The following SOX5 variants were observed in gnomAD, a reference collection of about 807,000 sequenced individuals.
The protein encoded by SOX5 is SRY-box transcription factor 5, also known as transcription factor SOX-5.
Under a neutral mutation model 92.0 loss-of-function variants are expected in SOX5, and 9 were observed. The observed-to-expected ratio is 0.10, with a 90% CI of 0.06 to 0.17. The LOEUF is 0.17. SOX5 is among the 10% of genes least tolerant of loss of function. The pLI, the probability that SOX5 is intolerant of heterozygous loss-of-function variation, is 1.00. For missense variants in SOX5, 642 were observed against 944.5 expected, an observed-to-expected ratio of 0.68 and a Z score of 4.20; for synonymous variants, 344 against 336.3, an observed-to-expected ratio of 1.02 and a Z score of -0.25.
intron 4 of SOX5, among the ~76,000 whole-genome samples, chr12:24,000,812 C>A (rs568680192): frequency 6.6e-6 from 1 of 151,910 alleles, no homozygotes; most frequent in East Asian, 1.9e-4. Flanking sequence ...GTAAGAAATA[C>A]GCTTTGAAGA....
intron 2 of SOX5, among the ~76,000 whole-genome samples, chr12:23,859,706 AG>A (rs2096733150): frequency 6.6e-6 from 1 of 152,170 alleles, no homozygotes; most frequent in African/African-American, 2.4e-5. Flanking sequence ...TTTGTGGCTC[AG>A]GTGGGCATCA....
chr12:24,213,158 T>C (rs1448382788), intron 4 of SOX5, among the ~76,000 whole-genome samples: 1 of 152,110 alleles, frequency 6.6e-6, no homozygotes, highest in Non-Finnish European at 1.5e-5. Context: ...ATTATTTTCA[T>C]CTTCAAACTA....
intron 1 of SOX5, among the ~76,000 whole-genome samples, chr12:24,442,457 T>G (rs370177674): frequency 6.6e-5 from 10 of 152,290 alleles, no homozygotes; most frequent in African/African-American, 2.4e-4. Context: ...TAGAAGGTGC[T>G]ACAAACCAAA....
chr12:23,579,503 C>G (rs1949747977), intron 9 of SOX5, among the ~76,000 whole-genome samples: 1 of 151,948 alleles, frequency 6.6e-6, no homozygotes, highest in East Asian at 1.9e-4. Context: ...TACCAAATGC[C>G]TATTATTTAT....
intron 4 of SOX5, among the ~76,000 whole-genome samples, chr12:24,113,247 T>C (rs1483897282): frequency 1.6e-5 from 2 of 122,084 alleles, no homozygotes; most frequent in African/African-American, 5.8e-5. Flanking sequence ...CAAATATATG[T>C]AGAATCATAA....
intron 9 of SOX5, among the ~76,000 whole-genome samples, chr12:23,599,513 AGGAATT>A (rs1409224539): frequency 6.6e-6 from 1 of 152,250 alleles, no homozygotes; most frequent in Non-Finnish European, 1.5e-5. Flanking sequence ...AAAAGCACCC[AGGAATT>A]CTCTCTTGTC....
intron 3 of SOX5, among the ~76,000 whole-genome samples, chr12:23,756,953 C>G (rs540922565): frequency 6.6e-6 from 1 of 151,826 alleles, no homozygotes; most frequent in African/African-American, 2.4e-5. Context: ...ATCTTTACAG[C>G]GATCAGCTAG....
At chr12:23,812,172 G>GT (rs2095886752) in intron 3 of SOX5, among the ~76,000 whole-genome samples, 1 of 151,950 alleles carries the variant, frequency 6.6e-6, no homozygotes. Flanking sequence ...ATCACTTCTG[G>GT]TAGTTTCTAC....
intron 2 of SOX5, among the ~76,000 whole-genome samples, chr12:24,318,030 G>A (rs890152701): frequency 6.6e-6 from 1 of 152,006 alleles, no homozygotes; most frequent in Non-Finnish European, 1.5e-5. Flanking sequence ...GTTCAACATG[G>A]TGAAACCCCA....
chr12:24,273,824 T>C (rs745456512), intron 3 of SOX5, among the ~76,000 whole-genome samples: 27 of 152,218 alleles, frequency 1.8e-4, no homozygotes, highest in Non-Finnish European at 3.4e-4. Flanking sequence ...AGGTTATAAA[T>C]TTCCCAGTAA....
intron 2 of SOX5, among the ~76,000 whole-genome samples, chr12:23,871,148 G>T (rs1445287316): frequency 6.6e-6 from 1 of 152,106 alleles, no homozygotes; most frequent in Non-Finnish European, 1.5e-5. Flanking sequence ...CCTATGTGCA[G>T]CTCACATATT....
rs1199132016 is a variant in SOX5, at chr12:24,289,147, G to A, written c.-173-11835C>T. Among the ~76,000 whole-genome samples the A allele has an allele frequency of 2.0e-5, 3 of 152,166 alleles. No individual in the cohort carries two copies. The South Asian group carries it at 6.2e-4, about 32-fold the overall frequency. On this transcript the variant is annotated intron_variant, in intron 2 of 4. Transcript: ENST00000446891. ...AATACAAAAAGTAGCCAGTCATGGC[G>A]GCTTGCATCTGTGGTCCCAGGTATT... is the stretch of plus-strand genomic sequence containing the variant.
At chr12:23,703,723 A>AGG (rs1369014117) in intron 6 of SOX5, among the ~76,000 whole-genome samples, 3 of 116,770 alleles carry the variant, frequency 2.6e-5, no homozygotes, top group South Asian at 4.9e-4. Flanking sequence ...TTCATTTCTC[A>AGG]GGGGACACAC....
intron 7 of SOX5, among the ~76,000 whole-genome samples, chr12:23,656,790 C>A (rs1024159014): frequency 1.3e-5 from 2 of 151,680 alleles, no homozygotes. Flanking sequence ...ATAATGGATT[C>A]ATATTTACAT....
intron 4 of SOX5, among the ~76,000 whole-genome samples, chr12:24,003,107 C>A (rs1280380518): frequency 1.3e-5 from 2 of 151,960 alleles, no homozygotes; most frequent in Non-Finnish European, 2.9e-5. Context: ...AAACCCAACA[C>A]CTATTCATGG....
At chr12:24,260,590 T>TG (rs1941946870) in intron 3 of SOX5, among the ~76,000 whole-genome samples, 1 of 152,192 alleles carries the variant, frequency 6.6e-6, no homozygotes, top group Non-Finnish European at 1.5e-5. Flanking sequence ...TCCTGCAAAG[T>TG]GAAATGGACT....
chr12:24,092,132 G>A (rs1944730270), intron 4 of SOX5, among the ~76,000 whole-genome samples: 1 of 152,116 alleles, frequency 6.6e-6, no homozygotes, highest in Non-Finnish European at 1.5e-5. Context: ...TTGACCTCAA[G>A]AACATCAGTT....
chr12:23,566,679 T>C (rs1450746176), intron 10 of SOX5, among the ~76,000 whole-genome samples: 1 of 152,222 alleles, frequency 6.6e-6, no homozygotes, highest in African/African-American at 2.4e-5. Flanking sequence ...TAAGTTGCAA[T>C]TGTCTCTTCG....
At chr12:23,794,197 T>TA (rs2095524508) in intron 3 of SOX5, among the ~76,000 whole-genome samples, 1 of 152,176 alleles carries the variant, frequency 6.6e-6, no homozygotes, top group Non-Finnish European at 1.5e-5. Flanking sequence ...ATTGGTGTGC[T>TA]GTTTACTGGT....
Sources: gnomAD v4.1 joint callset for allele counts (sites outside exome capture counted in the v4.1 genomes callset) on GRCh38, gnomAD v4.1.1 for gene constraint, MANE v1.5 for transcripts, NCBI Gene and HGNC (gene_info 2026-07-23, HGNC 2026-07-21) for gene names.